PTPRD: variants seen among roughly 807,000 people sequenced by gnomAD.
PTPRD encodes protein tyrosine phosphatase receptor type D.
Under a neutral mutation model 214.5 loss-of-function variants are expected in PTPRD, and 34 were observed. The ratio of observed to expected loss-of-function variants is 0.16; its 90% CI spans 0.12 to 0.21. PTPRD has a LOEUF of 0.21. Among genes scored for constraint, PTPRD ranks in the 10% least tolerant of loss-of-function variants. The probability of loss-of-function intolerance (pLI) is 1.00; values close to 1 mark genes in which losing one functional copy is unlikely to be tolerated. For missense variants in PTPRD, 2,545 were observed against 2,398.7 expected (o/e 1.06, Z -1.27); for synonymous variants, 1,128 against 845.7 (o/e 1.33, Z -5.79).
chr9:8,381,829 T>C (rs917606254), intron 37 of PTPRD, among the ~76,000 whole-genome samples: 6 of 152,220 alleles, frequency 3.9e-5, no homozygotes, highest in African/African-American at 1.4e-4. Flanking sequence ...CGTAAACTTT[T>C]CCAATGACTT....
At chr9:8,764,121 T>G (rs192043157) in intron 11 of PTPRD, among the ~76,000 whole-genome samples, 1,640 of 152,350 alleles carry the variant, frequency 0.011, 14 homozygotes, top group Non-Finnish European at 0.017. Context: ...CTCACTCTAA[T>G]TATTCCAGGA....
rs556113462 is a variant in PTPRD, at chr9:10,569,151, C to T, written c.-600+43247G>A. On this transcript the variant is annotated intron_variant, in intron 2 of 45. Coordinates refer to ENST00000381196, the MANE Select transcript of PTPRD (RefSeq NM_002839.4). ...TTCTAAAAAGAAGACATTTATGCAG[C>T]CAAAAAACACATGAAAAAATGCTCA... Among the ~76,000 whole-genome samples the T allele has an allele frequency of 8.4e-4, 128 of 152,096 alleles. 1 individual carries two copies. Among genetic ancestry groups the T allele is most frequent in the Admixed American group, 4.0e-3 (61 of 15,268 alleles).
At chr9:10,558,674 G>C (rs2063165663) in intron 2 of PTPRD, among the ~76,000 whole-genome samples, 1 of 152,156 alleles carries the variant, frequency 6.6e-6, no homozygotes, top group Non-Finnish European at 1.5e-5. Context: ...CCAAAGGGGG[G>C]AGTTTCTTTT....
chr9:8,608,977 C>G (rs2095343407), intron 14 of PTPRD, among the ~76,000 whole-genome samples: 1 of 152,150 alleles, frequency 6.6e-6, no homozygotes, highest in African/African-American at 2.4e-5. Flanking sequence ...AGGTGAAAAA[C>G]AGGCTTCTCA....
chr9:10,078,190 T>C (rs2098166697), intron 3 of PTPRD, among the ~76,000 whole-genome samples: 1 of 151,768 alleles, frequency 6.6e-6, no homozygotes, highest in African/African-American at 2.4e-5. Flanking sequence ...CCAATAATTA[T>C]GCAAAATCAT....
intron 4 of PTPRD, among the ~76,000 whole-genome samples, chr9:10,013,493 G>C (rs888935698): frequency 9.3e-5 from 14 of 150,924 alleles, no homozygotes; most frequent in Admixed American, 6.0e-4. Context: ...AGGAAACAGA[G>C]ATTCACCTCA....
chr9:9,745,985 GA>G (rs1449604611), intron 6 of PTPRD, among the ~76,000 whole-genome samples: 1 of 151,714 alleles, frequency 6.6e-6, no homozygotes, highest in Non-Finnish European at 1.5e-5. Flanking sequence ...TTGGGATGGG[GA>G]AAAAAAGAAC....
At chr9:9,195,244 G>C (rs1238441944) in intron 9 of PTPRD, among the ~76,000 whole-genome samples, 5 of 151,918 alleles carry the variant, frequency 3.3e-5, no homozygotes, top group South Asian at 2.1e-4. Context: ...AACTTATGTG[G>C]AATCTCAATT....
intron 4 of PTPRD, among the ~76,000 whole-genome samples, chr9:10,002,626 T>G (rs2096355388): frequency 6.6e-6 from 1 of 151,090 alleles, no homozygotes; most frequent in African/African-American, 2.4e-5. Flanking sequence ...TGGTCACTCT[T>G]TAAGGAAGAC....
intron 2 of PTPRD, among the ~76,000 whole-genome samples, chr9:10,363,991 G>GTTTTTTTGTTGCTTTTTTT (rs1485501417): frequency 3.1e-4 from 11 of 35,132 alleles, no homozygotes; most frequent in South Asian, 1.1e-3. Flanking sequence ...ACATTTTCGG[G>GTTTTTTTGTTGCTTTTTTT]TTTTTTTTTT....
At chr9:10,477,749 C>T (rs2784629) in intron 2 of PTPRD, among the ~76,000 whole-genome samples, 5,384 of 151,970 alleles carry the variant, frequency 0.035, 327 homozygotes, top group African/African-American at 0.12. Flanking sequence ...ATCAGTGATA[C>T]ACTGGATAAA....
At chr9:9,244,898 G>T (rs1397998360) in intron 9 of PTPRD, among the ~76,000 whole-genome samples, 1 of 152,046 alleles carries the variant, frequency 6.6e-6, no homozygotes, top group Non-Finnish European at 1.5e-5. Flanking sequence ...CTGACAAAGG[G>T]CTAATATCCA....
At chr9:10,493,656 A>G (rs2041108107) in intron 2 of PTPRD, among the ~76,000 whole-genome samples, 1 of 152,032 alleles carries the variant, frequency 6.6e-6, no homozygotes, top group African/African-American at 2.4e-5. Flanking sequence ...GCCTAATACC[A>G]CATAACATCA....
intron 9 of PTPRD, among the ~76,000 whole-genome samples, chr9:9,392,770 G>T (rs558229042): frequency 6.6e-6 from 1 of 152,280 alleles, no homozygotes; most frequent in African/African-American, 2.4e-5. Context: ...ATTTGTCTAT[G>T]ATGTCTCTTC....
chr9:8,793,276 G>A (rs199949332), intron 11 of PTPRD, among the ~76,000 whole-genome samples: 2 of 128,862 alleles, frequency 1.6e-5, no homozygotes, highest in African/African-American at 8.1e-5. Flanking sequence ...TTTGGAATAA[G>A]CCAGCTACCA....
At chr9:9,452,759 C>T (rs915282953) in intron 8 of PTPRD, among the ~76,000 whole-genome samples, 3 of 151,104 alleles carry the variant, frequency 2.0e-5, no homozygotes, top group African/African-American at 4.8e-5. Flanking sequence ...GTTCACATAT[C>T]CCTAAAGGAA....
chr9:10,431,695 T>C (rs1342682249), intron 2 of PTPRD, among the ~76,000 whole-genome samples: 1 of 152,144 alleles, frequency 6.6e-6, no homozygotes, highest in African/African-American at 2.4e-5. Flanking sequence ...ATGCTCGTCA[T>C]CACTGGCCAT....
chr9:9,252,465 A>G (rs1485150463), intron 9 of PTPRD, among the ~76,000 whole-genome samples: 1 of 151,894 alleles, frequency 6.6e-6, no homozygotes, highest in Non-Finnish European at 1.5e-5. Context: ...TGAAGATGGT[A>G]TTTAAACCCA....
intron 38 of PTPRD, 65 bp downstream of exon 38, chr9:8,376,542 C>T: frequency 6.2e-7 from 1 of 1,603,724 alleles, no homozygotes; most frequent in South Asian, 1.1e-5. Context: ...GATTTCATTT[C>T]TCAAAAGAAG....
Sources: gnomAD v4.1 joint callset for allele counts (sites outside exome capture counted in the v4.1 genomes callset) on GRCh38, gnomAD v4.1.1 for gene constraint, MANE v1.5 for transcripts, NCBI Gene and HGNC (gene_info 2026-07-23, HGNC 2026-07-21) for gene names.